The following ACLY variants were observed in gnomAD, a reference collection of about 807,000 sequenced individuals.
ACLY encodes ATP-citrate synthase.
ACLY carries 41 observed loss-of-function variants against 133.0 expected under a neutral mutation model. That is an observed-to-expected ratio of 0.31 (90% confidence interval 0.24 to 0.40). The LOEUF is 0.40. ACLY is among the 10% of genes least tolerant of loss of function. ACLY has a pLI of 1.00. For synonymous variants in ACLY, 495 were observed against 549.3 expected (o/e 0.90, Z 1.38); for missense variants, 1,046 against 1,453.8 (o/e 0.72, Z 4.56).
intron 18 of ACLY, among the ~76,000 whole-genome samples, chr17:41,885,768 C>A (rs532097801): frequency 1.0e-3 from 158 of 152,238 alleles, no homozygotes; most frequent in Non-Finnish European, 1.8e-3. Context: ...CCACCCACCC[C>A]CTACTAAAGA....
At chr17:41,875,378 T>C in intron 22 of ACLY, among the ~76,000 whole-genome samples, 1 of 144,858 alleles carries the variant, frequency 6.9e-6, no homozygotes, top group Non-Finnish European at 1.5e-5. Flanking sequence ...GGGGACGAGA[T>C]ACGTGGCTAA....
chr17:41,888,616 T>C (rs1394318028), intron 16 of ACLY, among the ~76,000 whole-genome samples: 5 of 152,090 alleles, frequency 3.3e-5, no homozygotes, highest in African/African-American at 1.2e-4. Context: ...CCAGGTAGAG[T>C]GGCTCATGCC....
chr17:41,887,413 A>G (rs1450111464), intron 17 of ACLY, among the ~76,000 whole-genome samples, 186 bp downstream of exon 17: 2 of 152,056 alleles, frequency 1.3e-5, no homozygotes, highest in Non-Finnish European at 2.9e-5. Context: ...ACTCCAGCCT[A>G]GGCATTGCAG....
intron 14 of ACLY, among the ~76,000 whole-genome samples, chr17:41,895,566 C>T (rs1555630180): frequency 6.6e-6 from 1 of 152,212 alleles, no homozygotes; most frequent in Non-Finnish European, 1.5e-5. Flanking sequence ...TTCTCCCTGA[C>T]ACACCCTCCT....
intron 22 of ACLY, among the ~76,000 whole-genome samples, chr17:41,877,021 A>G (rs1240767445): frequency 3.9e-5 from 6 of 152,050 alleles, no homozygotes; most frequent in African/African-American, 1.4e-4. Context: ...TCCAGAGTTG[A>G]GGCAAATCAG....
At chr17:41,929,484 G>A (rs1555636378) in intron 1 of ACLY, among the ~76,000 whole-genome samples, 1 of 152,036 alleles carries the variant, frequency 6.6e-6, no homozygotes. Context: ...ACCCATCCCA[G>A]ACCCTGGCTG....
At chr17:41,918,807 G>T in intron 1 of ACLY, 73 bp downstream of exon 1, 2 of 1,266,716 alleles carry the variant, frequency 1.6e-6, no homozygotes, top group African/African-American at 1.6e-5. Flanking sequence ...GGCGGTTCCG[G>T]GTTGGGGGAC....
At chr17:41,929,905 T>A (rs1228065615) in intron 1 of ACLY, among the ~76,000 whole-genome samples, 2 of 152,116 alleles carry the variant, frequency 1.3e-5, no homozygotes, top group African/African-American at 4.8e-5. Flanking sequence ...GTTAAAGACA[T>A]CTTTTTACTA....
intron 9 of ACLY, 70 bp downstream of exon 9, chr17:41,905,452 T>C: frequency 6.3e-7 from 1 of 1,597,814 alleles, no homozygotes; most frequent in Non-Finnish European, 8.6e-7. Flanking sequence ...CAGACGAAGC[T>C]GTCCCATTGC....
chr17:41,897,639 C>T (rs1471990466), intron 13 of ACLY, 110 bp downstream of exon 13: 7 of 1,047,640 alleles, frequency 6.7e-6, no homozygotes, highest in East Asian at 5.4e-5. Context: ...AAACCCAAAC[C>T]GCTGTTCATC....
chr17:41,873,825 G>C lies in ACLY; in HGVS notation c.2628C>G (p.Leu876=), dbSNP rs1555625521. The C allele has an allele frequency of 1.3e-6, 2 of 1,575,612 alleles. No individual in the cohort carries two copies. The highest frequency in any genetic ancestry group is 3.5e-5 in the Admixed American group (2 of 56,528). The change falls in exon 23 of 29, where the codon CTC becomes CTG. Residue 876 remains leucine (L), a synonymous_variant. Transcript: ENST00000352035. The part of the protein sequence containing the change: ...EMGIGGVLGL[L]WFQKRLPKYS... Reference sequence around the variant, plus strand: ...TCCATGCTCACCTTTTCTGGAACCAGAGGAGGCCGAGGACCCCGCCAATGC... The same window carrying C: ...TCCATGCTCACCTTTTCTGGAACCACAGGAGGCCGAGGACCCCGCCAATGC...
intron 21 of ACLY, among the ~76,000 whole-genome samples, 165 bp from the exon 22 acceptor site, chr17:41,878,361 C>T (rs1051731204): frequency 6.6e-6 from 1 of 152,176 alleles, no homozygotes; most frequent in Non-Finnish European, 1.5e-5. Context: ...GCCAAGACTG[C>T]ACCTGCCCTC....
In ACLY at chr17:41,910,229, TG is replaced by T. The variant is rs2144398873; in HGVS notation, c.337del (p.His113ThrfsTer48). The T allele has an allele frequency of 1.9e-6, 3 of 1,613,522 alleles. No homozygotes were observed. The highest frequency in any genetic ancestry group is 2.5e-6 in the Non-Finnish European group (3 of 1,179,792). ...KNFLIEPFVPHSQAEEFYVCI... is the reference protein window; with the variant it reads ...KNFLIEPFVPXSQAEEFYVCI... ...GAGCCGCCTCACACATACCTGACTG[TG>T]GGGGACGAAGGGCTCGATCAGAAAG... On this transcript the variant is annotated frameshift_variant, in exon 4 of 29. Coordinates refer to ENST00000352035, the MANE Select transcript of ACLY (RefSeq NM_001096.3). LOFTEE classifies it high-confidence loss of function.
intron 16 of ACLY, among the ~76,000 whole-genome samples, chr17:41,888,759 T>G (rs2049121456): frequency 6.6e-6 from 1 of 152,022 alleles, no homozygotes; most frequent in Non-Finnish European, 1.5e-5. Context: ...TACAGTGAGT[T>G]GCATGATTGC....
intron 20 of ACLY, among the ~76,000 whole-genome samples, chr17:41,881,176 T>A (rs1555627266): frequency 6.6e-6 from 1 of 151,884 alleles, no homozygotes; most frequent in Non-Finnish European, 1.5e-5. Flanking sequence ...ACGGCTGTAA[T>A]CCCAGCACTT....
At chr17:41,920,329 G>A (rs1054843425), upstream of ACLY, among the ~76,000 whole-genome samples, 1 of 152,116 alleles carries the variant, frequency 6.6e-6, no homozygotes, top group African/African-American at 2.4e-5. Flanking sequence ...GCCAGTCTTG[G>A]TGGCTCACAC....
chr17:41,910,474 C>T (rs1196492856), intron 3 of ACLY, among the ~76,000 whole-genome samples, 190 bp from the exon 4 acceptor site: 1 of 152,234 alleles, frequency 6.6e-6, no homozygotes, highest in African/African-American at 2.4e-5. Flanking sequence ...CCCTTTCACC[C>T]CTTGCTCTGG....
intron 16 of ACLY, among the ~76,000 whole-genome samples, chr17:41,891,614 C>G (rs2049215221): frequency 6.6e-6 from 1 of 151,798 alleles, no homozygotes; most frequent in African/African-American, 2.4e-5. Context: ...AACTCCTGGG[C>G]TCAAGCAATC....
chr17:41,886,085 C>G, intron 18 of ACLY, 27 bp downstream of exon 18: 1 of 1,601,240 alleles, frequency 6.2e-7, no homozygotes. Context: ...AAGCAGGAAG[C>G]CCCTCCTTGG....
Sources: allele counts gnomAD v4.1 joint callset (sites outside exome capture counted in the v4.1 genomes callset), GRCh38; gene constraint gnomAD v4.1.1; transcripts MANE v1.5; gene names NCBI Gene and HGNC (gene_info 2026-07-23, HGNC 2026-07-21).